The following ABLIM1 variants were observed in gnomAD, a reference collection of about 807,000 sequenced individuals.
ABLIM1 encodes actin binding LIM protein 1.
Under a neutral mutation model 107.0 loss-of-function variants are expected in ABLIM1, and 40 were observed. The observed-to-expected ratio is 0.37, with a 90% CI of 0.29 to 0.49. ABLIM1 has a LOEUF of 0.49. Ranked by LOEUF, ABLIM1 falls within the 20% of genes least tolerant of loss-of-function variation. ABLIM1 has a pLI of 0.97. For synonymous variants in ABLIM1, 357 were observed against 357.3 expected, an observed-to-expected ratio of 1.00 and a Z score of 0.01; for missense variants, 857 against 1,008.5, an observed-to-expected ratio of 0.85 and a Z score of 2.04.
At chr10:114,731,460 G>A (rs1025192731) in intron 1 of ABLIM1, among the ~76,000 whole-genome samples, 5 of 145,548 alleles carry the variant, frequency 3.4e-5, no homozygotes, top group African/African-American at 1.3e-4. Context: ...TTGTTTGTTT[G>A]TTTGTTTGTT....
chr10:114,486,819 G>T (rs561455095), intron 8 of ABLIM1, among the ~76,000 whole-genome samples: 1 of 152,122 alleles, frequency 6.6e-6, no homozygotes, highest in Non-Finnish European at 1.5e-5. Flanking sequence ...ATATCCAAAT[G>T]GTAAAATGTC....
At chr10:114,797,157 C>T in the ABLIM1 span, among the ~76,000 whole-genome samples, 5 of 152,108 alleles carry the variant, frequency 3.3e-5, no homozygotes, top group Non-Finnish European at 7.4e-5. Flanking sequence ...TTGTTGGAAC[C>T]TCCAAAAAAT....
chr10:114,635,328 C>A (rs1020012045), intron 1 of ABLIM1, among the ~76,000 whole-genome samples: 1 of 152,208 alleles, frequency 6.6e-6, no homozygotes, highest in South Asian at 2.1e-4. Context: ...ATTTCAGTAG[C>A]GATGCCAATT....
chr10:114,475,076 G>A (rs918042570), intron 8 of ABLIM1, among the ~76,000 whole-genome samples: 16 of 152,168 alleles, frequency 1.1e-4, no homozygotes, highest in African/African-American at 3.9e-4. Context: ...AGCGGCATGA[G>A]AACAGACCTA....
At chr10:114,570,755 T>C (rs954386926) in intron 4 of ABLIM1, among the ~76,000 whole-genome samples, 1 of 151,974 alleles carries the variant, frequency 6.6e-6, no homozygotes, top group Non-Finnish European at 1.5e-5. Context: ...ACTACAGACG[T>C]GCACTATCAT....
In ABLIM1 at chr10:114,439,264, G is replaced by A. The variant is rs751894855; in HGVS notation, c.2068-14C>T. On this transcript the variant is annotated splice_polypyrimidine_tract_variant and intron_variant, in intron 20 of 22. Coordinates refer to ENST00000533213, the MANE Select transcript of ABLIM1 (RefSeq NM_002313.7). ...ATCTGGGAGTGTCTGCAACAGAAATGCCAGTTCCAGGTGAGGCATGAAATA... is the reference window on the plus strand; with the variant it reads ...ATCTGGGAGTGTCTGCAACAGAAATACCAGTTCCAGGTGAGGCATGAAATA... 2.5e-6 allele frequency: 4 copies of A among 1,614,056 alleles called. No homozygotes were observed. Among genetic ancestry groups the A allele is most frequent in the Non-Finnish European group, 1.7e-6 (2 of 1,180,012 alleles).
At chr10:114,646,282 C>A (rs376143177) in intron 1 of ABLIM1, among the ~76,000 whole-genome samples, 1 of 152,030 alleles carries the variant, frequency 6.6e-6, no homozygotes, top group Admixed American at 6.6e-5. Flanking sequence ...TAAATTTGCA[C>A]ACAGGAAAAA....
At chr10:114,704,188 A>G (rs2081359046) in intron 1 of ABLIM1, among the ~76,000 whole-genome samples, 3 of 150,030 alleles carry the variant, frequency 2.0e-5, no homozygotes, top group African/African-American at 7.3e-5. Context: ...AACATAATTT[A>G]TTTGGCATTT....
chr10:114,726,441 G>C (rs1483230543), intron 1 of ABLIM1, among the ~76,000 whole-genome samples: 1 of 152,082 alleles, frequency 6.6e-6, no homozygotes, highest in Non-Finnish European at 1.5e-5. Flanking sequence ...GGCAAAGGGG[G>C]AAGGAACAGG....
chr10:114,624,993 G>A (rs999155046), intron 1 of ABLIM1, among the ~76,000 whole-genome samples: 8 of 152,166 alleles, frequency 5.3e-5, no homozygotes, highest in Non-Finnish European at 1.2e-4. Flanking sequence ...GAAATTCACA[G>A]TTGAGTAGTG....
Position 114,441,726 on chromosome 10 carries a change from T to C in ABLIM1, c.1994A>G (p.His665Arg), listed in dbSNP as rs747685433. ...SLPGYGRNGL[H>R]RPVSTDFAQY... Reference sequence around the variant, plus strand: ...TGAATCGGGGAGAAATCTTACCCGGTGAAGCCCATTTCTTCCATAGCCAGG... The same window carrying C: ...TGAATCGGGGAGAAATCTTACCCGGCGAAGCCCATTTCTTCCATAGCCAGG... The change falls in exon 18 of 23, where the codon CAC becomes CGC. Residue 665 changes from histidine (H) to arginine (R), a missense_variant. Transcript: ENST00000533213. The C allele has an allele frequency of 1.9e-6, 3 of 1,613,298 alleles. No homozygotes were observed. In the Admixed American group the frequency reaches 5.0e-5, roughly 27 times the overall value.
At chr10:114,650,696 C>T (rs572480623) in intron 1 of ABLIM1, among the ~76,000 whole-genome samples, 46 of 152,130 alleles carry the variant, frequency 3.0e-4, no homozygotes, top group Non-Finnish European at 5.9e-4. Context: ...GGGCTATTTT[C>T]CTTTTACTCG....
At chr10:114,789,965 G>A in the ABLIM1 span, among the ~76,000 whole-genome samples, 2 of 152,108 alleles carry the variant, frequency 1.3e-5, no homozygotes, top group Non-Finnish European at 2.9e-5. Context: ...GCTAATTTTT[G>A]TATTTTTAGT....
At chr10:114,648,983 T>A (rs74158029) in intron 1 of ABLIM1, among the ~76,000 whole-genome samples, 3,235 of 152,246 alleles carry the variant, frequency 0.021, 102 homozygotes, top group African/African-American at 0.074. Flanking sequence ...GGTCTTCTCA[T>A]GTAATATCAA....
At chr10:114,731,552 C>T (rs2082074471) in intron 1 of ABLIM1, among the ~76,000 whole-genome samples, 1 of 151,734 alleles carries the variant, frequency 6.6e-6, no homozygotes, top group Middle Eastern at 3.4e-3. Flanking sequence ...ACCTCCACCT[C>T]CTAGGTTCAA....
At chr10:114,514,440 C>G (rs567387077) in intron 6 of ABLIM1, among the ~76,000 whole-genome samples, 1 of 152,150 alleles carries the variant, frequency 6.6e-6, no homozygotes, top group African/African-American at 2.4e-5. Context: ...GTGGCGTGAT[C>G]ACAGCTCACT....
intron 6 of ABLIM1, among the ~76,000 whole-genome samples, chr10:114,536,467 C>T (rs4255463): frequency 0.06 from 9,043 of 151,680 alleles, 285 homozygotes; most frequent in Middle Eastern, 0.088. Context: ...AGGCTGGTCT[C>T]GAACTCCCGA....
intron 2 of ABLIM1, among the ~76,000 whole-genome samples, chr10:114,588,796 C>T (rs72829115): frequency 0.17 from 26,068 of 152,004 alleles, 2,416 homozygotes; most frequent in Middle Eastern, 0.3. Flanking sequence ...TGAGTCACCG[C>T]GTCTGGCCTG....
chr10:114,772,508 G>C (rs148163539), upstream of ABLIM1, among the ~76,000 whole-genome samples: 2,302 of 152,198 alleles, frequency 0.015, 47 homozygotes, highest in African/African-American at 0.051. Context: ...TTGGGAGTCT[G>C]AGGTGGGAGG....
Sources: gnomAD v4.1 joint callset for allele counts (sites outside exome capture counted in the v4.1 genomes callset) on GRCh38, gnomAD v4.1.1 for gene constraint, MANE v1.5 for transcripts, NCBI Gene and HGNC (gene_info 2026-07-23, HGNC 2026-07-21) for gene names.